TRHDE: variants seen among roughly 807,000 people sequenced by gnomAD.
TRHDE encodes thyrotropin releasing hormone degrading enzyme.
Under a neutral mutation model 125.7 loss-of-function variants are expected in TRHDE, and 72 were observed. The ratio of observed to expected loss-of-function variants is 0.57; its 90% CI spans 0.47 to 0.70. The LOEUF is 0.70. TRHDE is among the 30% of genes least tolerant of loss of function. TRHDE has a pLI of 0.00. For synonymous variants in TRHDE, 509 were observed against 509.1 expected (o/e 1.00, Z 0.00); for missense variants, 1,110 against 1,327.1 (o/e 0.84, Z 2.54).
At chr12:72,232,648 C>T (rs1223573667) in intron 2 of TRHDE, among the ~76,000 whole-genome samples, 2 of 152,130 alleles carry the variant, frequency 1.3e-5, no homozygotes, top group East Asian at 3.9e-4. Context: ...TCAGCCCCAG[C>T]ATCCTCTTTG....
intron 15 of TRHDE, 71 bp downstream of exon 15, chr12:72,621,822 C>T (rs555415999): frequency 5.3e-6 from 6 of 1,125,282 alleles, no homozygotes; most frequent in East Asian, 5.4e-5. Context: ...GGATGCATTT[C>T]ATTTACCAAC....
At chr12:72,389,285 T>G (rs1312485416) in intron 3 of TRHDE, among the ~76,000 whole-genome samples, 1 of 152,044 alleles carries the variant, frequency 6.6e-6, no homozygotes, top group East Asian at 1.9e-4. Flanking sequence ...TGTGGAGTAA[T>G]ACCAAGGAGA....
intron 3 of TRHDE, among the ~76,000 whole-genome samples, chr12:72,419,877 A>C (rs1190122847): frequency 6.6e-6 from 1 of 152,234 alleles, no homozygotes; most frequent in South Asian, 2.1e-4. Flanking sequence ...ATTGTATCCC[A>C]GTGAATTGCA....
At chr12:72,599,698 G>C (rs1216264305) in intron 12 of TRHDE, among the ~76,000 whole-genome samples, 1 of 151,946 alleles carries the variant, frequency 6.6e-6, no homozygotes, top group Non-Finnish European at 1.5e-5. Flanking sequence ...CTCTTTTGCT[G>C]TGCAGAAACT....
chr12:72,589,699 A>G (rs1871589584), intron 12 of TRHDE, among the ~76,000 whole-genome samples: 1 of 152,100 alleles, frequency 6.6e-6, no homozygotes, highest in Admixed American at 6.6e-5. Context: ...ATAGACTTAT[A>G]TATAATATTC....
intron 2 of TRHDE, among the ~76,000 whole-genome samples, chr12:72,371,360 G>A (rs529252708): frequency 1.7e-4 from 26 of 150,084 alleles, no homozygotes; most frequent in South Asian, 6.4e-4. Context: ...AAAATATTTC[G>A]ACTCACAAAA....
rs544357247 is a variant in TRHDE at position 72,172,447 on chromosome 12, G to A, written n.279+66695G>A. On this transcript the variant is annotated intron_variant and non_coding_transcript_variant, in intron 2 of 4. Coordinates refer to the TRHDE transcript ENST00000548156. ...GCAACCAAGTTTAACTCAGGTCTGC[G>A]TGTATAGTGCCTGTACAAGCAGTGC... Among the ~76,000 whole-genome samples, 3 of 152,250 alleles carry A rather than the reference G, an allele frequency of 2.0e-5. 1 individual carries two copies. The South Asian group carries it at 6.2e-4, about 32-fold the overall frequency.
chr12:72,185,989 A>G (rs80031020), intron 2 of TRHDE, among the ~76,000 whole-genome samples: 1 of 152,308 alleles, frequency 6.6e-6, no homozygotes, highest in African/African-American at 2.4e-5. Flanking sequence ...AAAAGCACCA[A>G]TCAGCCTGAC....
At chr12:72,130,764 T>G (rs76142008) in intron 2 of TRHDE, among the ~76,000 whole-genome samples, 11,241 of 152,116 alleles carry the variant, frequency 0.074, 724 homozygotes, top group African/African-American at 0.17. Flanking sequence ...GTACAGGAAA[T>G]ATTCTCAAAC....
intron 2 of TRHDE, among the ~76,000 whole-genome samples, chr12:72,133,272 A>G (rs564423670): frequency 6.6e-6 from 1 of 152,348 alleles, no homozygotes; most frequent in South Asian, 2.1e-4. Flanking sequence ...TCCTAGTGAA[A>G]GCAGTAACAG....
intron 3 of TRHDE, among the ~76,000 whole-genome samples, chr12:72,413,953 A>G (rs1231990430): frequency 6.6e-6 from 1 of 152,122 alleles, no homozygotes; most frequent in Non-Finnish European, 1.5e-5. Flanking sequence ...ATAAAATGAG[A>G]TAAGTATGCT....
At chr12:72,630,584 C>G (rs1030854568) in intron 15 of TRHDE, among the ~76,000 whole-genome samples, 4 of 151,606 alleles carry the variant, frequency 2.6e-5, no homozygotes, top group African/African-American at 9.7e-5. Context: ...TATATTCAAG[C>G]CTTGATGTAT....
intron 6 of TRHDE, among the ~76,000 whole-genome samples, chr12:72,520,661 A>G (rs1565776455): frequency 6.6e-6 from 1 of 151,990 alleles, no homozygotes; most frequent in Non-Finnish European, 1.5e-5. Flanking sequence ...CATCTTCTTC[A>G]CTTACTTTTT....
intron 6 of TRHDE, among the ~76,000 whole-genome samples, chr12:72,509,469 TG>T (rs1878495703): frequency 6.6e-6 from 1 of 152,170 alleles, no homozygotes; most frequent in Non-Finnish European, 1.5e-5. Flanking sequence ...TTGTTTTCCC[TG>T]AGCTCTACCA....
At position 72,273,018 on chromosome 12, in the gene TRHDE, C is replaced by T; in HGVS notation, c.375C>T (p.Pro125=). Residue 125 remains proline, a synonymous_variant, in exon 1 of 19, where the codon CCC becomes CCT. Coordinates refer to ENST00000261180, the MANE Select transcript of TRHDE (RefSeq NM_013381.3). This position sits in a 1 kb window ranked among gnomAD's most constrained non-coding sequence, Gnocchi z 5.3. ...ASATPGADGG[P]SGFPERGGNG... is the part of the protein sequence containing the mutation. ...CCACGCCAGGCGCCGACGGTGGCCC[C>T]TCAGGCTTTCCGGAGCGCGGCGGCA... The T allele has an allele frequency of 6.5e-7, 1 of 1,540,900 alleles. No individual in the cohort carries two copies. Among genetic ancestry groups the T allele is most frequent in the Non-Finnish European group, 8.7e-7 (1 of 1,148,928 alleles).
chr12:72,366,153 A>G (rs1167605349), intron 2 of TRHDE, among the ~76,000 whole-genome samples: 1 of 152,112 alleles, frequency 6.6e-6, no homozygotes, highest in Non-Finnish European at 1.5e-5. Context: ...GTAATCTAGT[A>G]ATCTCTTAAT....
intron 2 of TRHDE, among the ~76,000 whole-genome samples, chr12:72,249,661 G>A (rs1023967049): frequency 1.3e-5 from 2 of 152,132 alleles, no homozygotes. Context: ...ATAAGCAAGT[G>A]TTAGCAAGAA....
At chr12:72,489,281 TCAAA>T (rs1191651015) in intron 5 of TRHDE, among the ~76,000 whole-genome samples, 1 of 145,352 alleles carries the variant, frequency 6.9e-6, no homozygotes, top group African/African-American at 2.5e-5. Context: ...AAAAGAAGAC[TCAAA>T]CAAAAAACAA....
intron 1 of TRHDE, among the ~76,000 whole-genome samples, chr12:72,102,658 G>A (rs925348205): frequency 6.6e-6 from 1 of 152,298 alleles, no homozygotes; most frequent in Admixed American, 6.5e-5. Context: ...TTTAAGGGGA[G>A]GAGAAGGGGA....
Sources: allele counts gnomAD v4.1 joint callset (sites outside exome capture counted in the v4.1 genomes callset), GRCh38; gene constraint gnomAD v4.1.1; non-coding constraint Gnocchi (gnomAD v3.1); transcripts MANE v1.5; gene names NCBI Gene and HGNC (gene_info 2026-07-23, HGNC 2026-07-21).